The following INTS9 variants were observed in gnomAD, a reference collection of about 807,000 sequenced individuals.
INTS9 encodes protein related to CPSF subunits of 74 kDa.
A neutral mutation model predicts 79.7 loss-of-function variants in INTS9; 55 were observed. The observed-to-expected ratio is 0.69, with a 90% CI of 0.56 to 0.86. The LOEUF is 0.86. Ranked by LOEUF, INTS9 falls within the 40% of genes least tolerant of loss-of-function variation. INTS9 has a pLI of 0.00. For synonymous variants in INTS9, 319 were observed against 325.2 expected (o/e 0.98, Z 0.20); for missense variants, 721 against 831.5 (o/e 0.87, Z 1.64).
chr8:28,840,797 T>TG (rs1563289473), intron 4 of INTS9, among the ~76,000 whole-genome samples: 1 of 55,296 alleles, frequency 1.8e-5, no homozygotes, highest in Non-Finnish European at 3.2e-5. Context: ...TGTTGTGGGG[T>TG]GGGGGGAGGG....
chr8:28,875,900 T>C (rs1041882371), intron 1 of INTS9, among the ~76,000 whole-genome samples: 35 of 152,238 alleles, frequency 2.3e-4, no homozygotes, highest in African/African-American at 7.2e-4. Flanking sequence ...AGCCAAACAA[T>C]GGATTTTTGT....
chr8:28,786,209 T>A (rs1803579256), intron 11 of INTS9, among the ~76,000 whole-genome samples: 2 of 152,242 alleles, frequency 1.3e-5, no homozygotes, highest in African/African-American at 4.8e-5. Flanking sequence ...AGGGACTGTG[T>A]GAGTATACCA....
intron 14 of INTS9, among the ~76,000 whole-genome samples, chr8:28,772,786 A>C (rs1033210174): frequency 1.3e-5 from 2 of 151,724 alleles, no homozygotes; most frequent in African/African-American, 4.8e-5. Context: ...CAGCCTGGGC[A>C]ACACAGCGAG....
intron 8 of INTS9, among the ~76,000 whole-genome samples, chr8:28,805,365 A>C (rs1298131596): frequency 6.6e-6 from 1 of 152,162 alleles, no homozygotes; most frequent in Non-Finnish European, 1.5e-5. Flanking sequence ...AAAAAAATTA[A>C]AGACATTCTT....
At chr8:28,773,694 G>GT (rs112128891) in intron 14 of INTS9, among the ~76,000 whole-genome samples, 96,092 of 150,794 alleles carry the variant, frequency 0.64, 31,499 homozygotes, top group Non-Finnish European at 0.7. Context: ...GCTAATTTTT[G>GT]TTTTTTTATT....
chr8:28,793,785 A>C (rs79346388), intron 10 of INTS9, 22 bp downstream of exon 10: 33,278 of 1,517,522 alleles, frequency 0.022, 553 homozygotes, highest in Middle Eastern at 0.026. Flanking sequence ...TTCACAAAAA[A>C]AAAAAAAAAC....
chr8:28,770,968 C>T lies in INTS9; in HGVS notation c.1662+14G>A. 6.2e-7 allele frequency: 1 copy of T among 1,608,412 alleles called. No individual in the cohort carries two copies. The highest frequency in any genetic ancestry group is 8.5e-7 in the Non-Finnish European group (1 of 1,176,808). On this transcript the variant is annotated intron_variant, in intron 15 of 16. Coordinates refer to ENST00000521022, the MANE Select transcript of INTS9 (RefSeq NM_018250.4). ...GGGAGAGGGTCCCCTGCACTCCCAC[C>T]CAGCACCCCCTACCTGAAGCAAGTG...
At position 28,812,815 on chromosome 8, in the gene INTS9, C is replaced by T. The variant is rs189620065; in HGVS notation, c.610-354G>A. On this transcript the variant is annotated intron_variant, in intron 7 of 16. Coordinates refer to ENST00000521022, the MANE Select transcript of INTS9 (RefSeq NM_018250.4). Reference sequence around the variant, plus strand: ...GCAGTGAGCCATGTTTGTACCACTGCGCTCCAGCCTGAGTAACAAAGTGGG... The same window carrying T: ...GCAGTGAGCCATGTTTGTACCACTGTGCTCCAGCCTGAGTAACAAAGTGGG... 2.2e-3 allele frequency among the ~76,000 whole-genome samples: 339 copies of T among 152,288 alleles called. 1 individual carries two copies. The highest frequency in any genetic ancestry group is 4.1e-3 in the South Asian group (20 of 4,820).
chr8:28,858,266 G>A (rs986028438), intron 2 of INTS9, among the ~76,000 whole-genome samples: 9 of 152,124 alleles, frequency 5.9e-5, no homozygotes, highest in African/African-American at 1.9e-4. Flanking sequence ...ATCTTCATCT[G>A]TGTGATGTCT....
rs1051263089 is a variant in INTS9, at chr8:28,785,192, A to G, written c.1098+2637T>C. Among the ~76,000 whole-genome samples the G allele has an allele frequency of 2.0e-5, 3 of 152,374 alleles. No homozygotes were observed. The South Asian group carries it at 6.2e-4, about 32-fold the overall frequency. On this transcript the variant is annotated intron_variant, in intron 11 of 16. Transcript: ENST00000521022. ...TACTGGTGATGTTAACGTTGACTGC[A>G]TATGTCAAGTTTGTCCAAACTCCAG...
chr8:28,850,702 G>A (rs76046831), intron 2 of INTS9, among the ~76,000 whole-genome samples: 3,407 of 152,296 alleles, frequency 0.022, 68 homozygotes, highest in East Asian at 0.067. Context: ...ACACTGCCCT[G>A]CTATCTTCCC....
intron 1 of INTS9, among the ~76,000 whole-genome samples, chr8:28,868,207 T>A (rs1321060020): frequency 1.3e-5 from 2 of 152,234 alleles, no homozygotes; most frequent in African/African-American, 4.8e-5. Context: ...AGCTGACTGA[T>A]GCAATAAAGG....
intron 6 of INTS9, among the ~76,000 whole-genome samples, chr8:28,830,253 T>C (rs1806400690): frequency 6.6e-6 from 1 of 152,146 alleles, no homozygotes; most frequent in African/African-American, 2.4e-5. Context: ...ATTACCCAAA[T>C]GCAGCACTTT....
intron 6 of INTS9, among the ~76,000 whole-genome samples, chr8:28,821,700 G>T (rs965753562): frequency 1.3e-5 from 2 of 151,598 alleles, no homozygotes; most frequent in Non-Finnish European, 2.9e-5. Context: ...TTTAAGAGTG[G>T]TTGCTTTATA....
At chr8:28,860,948 C>T (rs964453962) in intron 1 of INTS9, among the ~76,000 whole-genome samples, 3 of 152,292 alleles carry the variant, frequency 2.0e-5, no homozygotes, top group Middle Eastern at 3.4e-3. Flanking sequence ...GAGGATGTTA[C>T]AGGAACTGAT....
chr8:28,849,147 T>C (rs1269594632), intron 3 of INTS9, among the ~76,000 whole-genome samples: 1 of 152,208 alleles, frequency 6.6e-6, no homozygotes, highest in Non-Finnish European at 1.5e-5. Context: ...ATGTTAAGCA[T>C]CTTTAAACTC....
chr8:28,796,895 G>A, intron 8 of INTS9: 1 of 411,728 alleles, frequency 2.4e-6, no homozygotes. Context: ...CTTCACTGGG[G>A]CACTGATTAT....
In INTS9 at chr8:28,811,578, A is replaced by G. The variant is rs543217092; in HGVS notation, c.744+749T>C. On this transcript the variant is annotated intron_variant, in intron 8 of 16. Coordinates refer to ENST00000521022, the MANE Select transcript of INTS9 (RefSeq NM_018250.4). ...CTGGGACCACAGCGTGTGCCACCAC[A>G]CCCGGGTAATTTTTGTATTTTTTGT... Among the ~76,000 whole-genome samples, 6 of 151,822 alleles carry G rather than the reference A, an allele frequency of 4.0e-5. No individual in the cohort carries two copies. The South Asian group carries it at 1.2e-3, about 32-fold the overall frequency.
At chr8:28,821,647 T>C (rs1027954324) in intron 6 of INTS9, among the ~76,000 whole-genome samples, 1 of 152,206 alleles carries the variant, frequency 6.6e-6, no homozygotes, top group Non-Finnish European at 1.5e-5. Flanking sequence ...ACTGGAGCTT[T>C]TGAGTTGCTG....
Sources: gnomAD v4.1 joint callset for allele counts (sites outside exome capture counted in the v4.1 genomes callset) on GRCh38, gnomAD v4.1.1 for gene constraint, MANE v1.5 for transcripts, NCBI Gene and HGNC (gene_info 2026-07-23, HGNC 2026-07-21) for gene names.